The following TUBB6 variants were observed in gnomAD, a reference collection of about 807,000 sequenced individuals.
TUBB6 encodes the protein tubulin beta-6 chain.
Under a neutral mutation model 32.3 loss-of-function variants are expected in TUBB6, and 18 were observed. The ratio of observed to expected loss-of-function variants is 0.56; its 90% CI spans 0.39 to 0.83. TUBB6 has a LOEUF of 0.83. Ranked by LOEUF, TUBB6 falls within the 40% of genes least tolerant of loss-of-function variation. The probability of loss-of-function intolerance (pLI) is 0.00; values close to 1 mark genes in which losing one functional copy is unlikely to be tolerated. For synonymous variants in TUBB6, 280 were observed against 265.8 expected, an observed-to-expected ratio of 1.05 and a Z score of -0.52; for missense variants, 480 against 632.0, an observed-to-expected ratio of 0.76 and a Z score of 2.58.
chr18:12,329,462 G>GC (rs1365511917), downstream of TUBB6: 17 of 1,244,948 alleles, frequency 1.4e-5, no homozygotes, highest in Non-Finnish European at 1.8e-5. Context: ...CCAGTGGCTG[G>GC]CTAAAATCAG....
At chr18:12,316,108 C>T (rs1906662075) in intron 3 of TUBB6, among the ~76,000 whole-genome samples, 1 of 152,218 alleles carries the variant, frequency 6.6e-6, no homozygotes, top group Admixed American at 6.5e-5. Context: ...CCCGAGGAGG[C>T]CTCACCCACC....
At position 12,326,391 on chromosome 18, in the gene TUBB6, A is replaced by C; in HGVS notation, c.*261A>C. ...CTTGAAAGAGAACTGAGGGGCCACAAAATAAACTTCACCTTCCATTAAGTG... is the reference window on the plus strand; with the variant it reads ...CTTGAAAGAGAACTGAGGGGCCACACAATAAACTTCACCTTCCATTAAGTG... On this transcript the variant is annotated 3_prime_UTR_variant, in exon 4 of 4. Transcript: ENST00000317702. The C allele has an allele frequency of 2.1e-6, 1 of 476,414 alleles. No individual in the cohort carries two copies. Among genetic ancestry groups the C allele is most frequent in the South Asian group, 3.5e-5 (1 of 28,856 alleles). The allele number at this position is 476,414 out of a possible 1,614,324, so 29.5% of individuals were successfully genotyped here.
chr18:12,313,201 C>T (rs2144135173), intron 3 of TUBB6, among the ~76,000 whole-genome samples: 1 of 152,218 alleles, frequency 6.6e-6, no homozygotes, highest in African/African-American at 2.4e-5. Flanking sequence ...TCCATTGTCT[C>T]TACAATTATT....
chr18:12,317,424 C>T (rs1024714739), intron 3 of TUBB6, among the ~76,000 whole-genome samples: 22 of 151,726 alleles, frequency 1.4e-4, no homozygotes, highest in Admixed American at 3.9e-4. Context: ...GCGGTGTTTG[C>T]GCCACTGCAC....
intron 3 of TUBB6, among the ~76,000 whole-genome samples, chr18:12,312,653 A>C (rs958352960): frequency 3.3e-5 from 5 of 151,594 alleles, no homozygotes; most frequent in African/African-American, 1.2e-4. Flanking sequence ...GATGACCCAA[A>C]AAAGTGGGTT....
intron 3 of TUBB6, among the ~76,000 whole-genome samples, chr18:12,314,595 C>G (rs1207003858): frequency 3.3e-5 from 5 of 152,038 alleles, no homozygotes; most frequent in Admixed American, 2.0e-4. Context: ...GGAGTCCTTC[C>G]TGAGATTGGG....
chr18:12,329,665 C>G (rs775647575), downstream of TUBB6: 2 of 1,614,078 alleles, frequency 1.2e-6, no homozygotes, highest in African/African-American at 1.3e-5. Flanking sequence ...CTCATCCAAG[C>G]TGCCAGTGCC....
At chr18:12,323,354 G>A (rs1398620552) in intron 3 of TUBB6, among the ~76,000 whole-genome samples, 2 of 152,042 alleles carry the variant, frequency 1.3e-5, no homozygotes, top group Non-Finnish European at 2.9e-5. Context: ...ATACAAACCT[G>A]TGTAATTTTT....
chr18:12,310,818 C>A, intron 2 of TUBB6, 125 bp from the exon 3 acceptor site: 1 of 600,656 alleles, frequency 1.7e-6, no homozygotes, highest in Non-Finnish European at 2.9e-6. Flanking sequence ...AGTTCCTGTA[C>A]CCTTTCTGAA....
intron 1 of TUBB6, 97 bp from the exon 2 acceptor site, chr18:12,308,590 T>C: frequency 2.1e-6 from 2 of 967,052 alleles, no homozygotes; most frequent in South Asian, 1.5e-5. Context: ...CAGGCGCGCC[T>C]GGAATTCGGC....
intron 3 of TUBB6, among the ~76,000 whole-genome samples, chr18:12,314,220 T>C (rs1398923075): frequency 6.6e-6 from 1 of 152,002 alleles, no homozygotes; most frequent in African/African-American, 2.4e-5. Flanking sequence ...TTCATTTTAC[T>C]ATCTGAAATG....
intron 2 of TUBB6, among the ~76,000 whole-genome samples, chr18:12,310,209 G>A (rs995860721): frequency 1.3e-5 from 2 of 151,900 alleles, no homozygotes; most frequent in Admixed American, 6.6e-5. Context: ...CAGGGTTTCG[G>A]CCAGGCACGG....
chr18:12,309,339 C>T, intron 2 of TUBB6, among the ~76,000 whole-genome samples: 1 of 148,420 alleles, frequency 6.7e-6, no homozygotes, highest in Non-Finnish European at 1.5e-5. Flanking sequence ...GGTGACAGAG[C>T]GAGACCCTGT....
chr18:12,313,422 G>A (rs986645886), intron 3 of TUBB6, among the ~76,000 whole-genome samples: 1 of 152,150 alleles, frequency 6.6e-6, no homozygotes, highest in East Asian at 1.9e-4. Flanking sequence ...ATAGTTTTGC[G>A]ATCAGGTTAC....
At position 12,325,948 on chromosome 18, in the gene TUBB6, G is replaced by T. The variant is rs776220688; in HGVS notation, c.1159G>T (p.Ala387Ser). Reference protein sequence around the residue: ...LFKRISEQFSAMFRRKAFLHW... With the variant: ...LFKRISEQFSSMFRRKAFLHW... ...CAAGCGCATCTCCGAGCAGTTCTCA[G>T]CCATGTTCCGGCGCAAGGCCTTCCT... The change falls in exon 4 of 4, where the codon GCC becomes TCC. Residue 387 changes from alanine (A) to serine (S), a missense_variant. Transcript: ENST00000317702. The T allele has an allele frequency of 1.9e-6, 3 of 1,614,096 alleles. No homozygotes were observed. The highest frequency in any genetic ancestry group is 2.5e-6 in the Non-Finnish European group (3 of 1,180,048).
downstream of TUBB6, among the ~76,000 whole-genome samples, chr18:12,328,715 A>G (rs1907414543): frequency 6.6e-6 from 1 of 152,244 alleles, no homozygotes; most frequent in South Asian, 2.1e-4. Context: ...TGGGGTGGTT[A>G]TCACAGATTC....
intron 2 of TUBB6, among the ~76,000 whole-genome samples, chr18:12,309,020 T>C (rs544399397): frequency 6.6e-6 from 1 of 152,332 alleles, no homozygotes; most frequent in African/African-American, 2.4e-5. Context: ...GGACCACCCG[T>C]TAGCGTTGTG....
At chr18:12,328,414 T>A (rs757027591), downstream of TUBB6, among the ~76,000 whole-genome samples, 16 of 152,354 alleles carry the variant, frequency 1.1e-4, no homozygotes, top group South Asian at 2.1e-4. Context: ...CCATCTTTTT[T>A]AAGGAATTTT....
chr18:12,327,414 C>T (rs1312868384), downstream of TUBB6, among the ~76,000 whole-genome samples: 2 of 152,242 alleles, frequency 1.3e-5, no homozygotes, highest in Non-Finnish European at 2.9e-5. Context: ...TCTGTGATCC[C>T]AGGCCTTACA....
Sources: gnomAD v4.1 joint callset for allele counts (sites outside exome capture counted in the v4.1 genomes callset) on GRCh38, gnomAD v4.1.1 for gene constraint, MANE v1.5 for transcripts, NCBI Gene and HGNC (gene_info 2026-07-23, HGNC 2026-07-21) for gene names.